Variants in TTC6 observed in about 807,000 individuals in gnomAD.
TTC6 encodes tetratricopeptide repeat protein 6.
Under a neutral mutation model 210.4 loss-of-function variants are expected in TTC6, and 172 were observed. That is an observed-to-expected ratio of 0.82 (90% CI 0.72 to 0.93). The LOEUF is 0.93. TTC6 is among the 40% of genes least tolerant of loss of function. TTC6 has a pLI of 0.00. For missense variants in TTC6, 2,414 were observed against 2,318.1 expected (o/e 1.04, Z -0.85); for synonymous variants, 804 against 819.6 (o/e 0.98, Z 0.32).
intron 14 of TTC6, among the ~76,000 whole-genome samples, chr14:37,783,771 G>A (rs969500039): frequency 6.6e-6 from 1 of 152,048 alleles, no homozygotes; most frequent in Non-Finnish European, 1.5e-5. Flanking sequence ...GGCATTTAGT[G>A]CTATAAATTT....
intron 10 of TTC6, among the ~76,000 whole-genome samples, chr14:37,746,214 G>A (rs984261250): frequency 6.6e-6 from 1 of 151,996 alleles, no homozygotes; most frequent in Non-Finnish European, 1.5e-5. Context: ...CTTGGCTCCC[G>A]TTCCCCCACT....
intron 14 of TTC6, among the ~76,000 whole-genome samples, chr14:37,755,876 C>G (rs560408352): frequency 2.4e-4 from 36 of 152,246 alleles, no homozygotes; most frequent in African/African-American, 8.2e-4. Flanking sequence ...ATAGTTGTTT[C>G]TAATTCTGTG....
At chr14:37,638,123 A>C (rs1185942924) in intron 1 of TTC6, among the ~76,000 whole-genome samples, 1 of 152,232 alleles carries the variant, frequency 6.6e-6, no homozygotes, top group East Asian at 1.9e-4. Context: ...ACTTAGGAAG[A>C]AAAGGAAATG....
At chr14:37,780,533 G>A (rs1178137967) in intron 14 of TTC6, among the ~76,000 whole-genome samples, 2 of 152,096 alleles carry the variant, frequency 1.3e-5, no homozygotes, top group South Asian at 2.1e-4. Context: ...AGTTTGCTGA[G>A]GATAATGGCT....
chr14:37,634,394 C>A (rs1447758214), intron 1 of TTC6, among the ~76,000 whole-genome samples: 1 of 152,032 alleles, frequency 6.6e-6, no homozygotes, highest in African/African-American at 2.4e-5. Flanking sequence ...AGAAAAGAAT[C>A]AGTGAACTTG....
chr14:37,705,248 A>T (rs1244278669), intron 5 of TTC6, among the ~76,000 whole-genome samples: 3 of 152,190 alleles, frequency 2.0e-5, no homozygotes, highest in Non-Finnish European at 4.4e-5. Context: ...TGGACAGATC[A>T]TTAGCTTTAT....
intron 1 of TTC6, among the ~76,000 whole-genome samples, chr14:37,666,367 C>T (rs1054845265): frequency 6.7e-6 from 1 of 148,568 alleles, no homozygotes; most frequent in Non-Finnish European, 1.5e-5. Context: ...AATCCCGGCA[C>T]TCTGGGTGGC....
At chr14:37,795,213 T>A (rs1490822739) in intron 17 of TTC6, 57 bp from the exon 20 acceptor site, 12 of 1,215,434 alleles carry the variant, frequency 9.9e-6, no homozygotes, top group Non-Finnish European at 1.4e-5. Context: ...AGGATAAATA[T>A]CAGAAAGGAA....
chr14:37,831,398 A>G (rs2096184782), intron 29 of TTC6, among the ~76,000 whole-genome samples: 1 of 152,042 alleles, frequency 6.6e-6, no homozygotes, highest in Non-Finnish European at 1.5e-5. Context: ...GAGTGCAAAT[A>G]TTTCTTCAAT....
intron 14 of TTC6, among the ~76,000 whole-genome samples, chr14:37,771,076 T>C (rs1332109095): frequency 3.4e-5 from 5 of 148,408 alleles, no homozygotes; most frequent in Non-Finnish European, 6.0e-5. Flanking sequence ...TTAGTTTGGC[T>C]GGATATGAAA....
chr14:37,636,249 A>T (rs1048678189), intron 1 of TTC6, among the ~76,000 whole-genome samples: 5 of 152,178 alleles, frequency 3.3e-5, no homozygotes, highest in Non-Finnish European at 7.3e-5. Flanking sequence ...AGAAGAACTC[A>T]AGGACCCTAT....
At chr14:37,726,828 A>G (rs920161601) in intron 7 of TTC6, among the ~76,000 whole-genome samples, 4 of 152,112 alleles carry the variant, frequency 2.6e-5, no homozygotes, top group African/African-American at 7.2e-5. Context: ...ACAGTAAGCT[A>G]TGTATTTAGT....
intron 14 of TTC6, among the ~76,000 whole-genome samples, chr14:37,763,515 T>A (rs778411731): frequency 6.6e-6 from 1 of 152,170 alleles, no homozygotes; most frequent in Non-Finnish European, 1.5e-5. Context: ...CTATTTCTTC[T>A]TGAGTTGGTT....
intron 1 of TTC6, among the ~76,000 whole-genome samples, chr14:37,673,923 A>T (rs542765892): frequency 6.6e-6 from 1 of 152,296 alleles, no homozygotes; most frequent in South Asian, 2.1e-4. Context: ...AGTTAAAAAA[A>T]TTTGTTTAAC....
intron 1 of TTC6, among the ~76,000 whole-genome samples, chr14:37,601,695 C>T (rs994004102): frequency 1.3e-5 from 2 of 152,198 alleles, no homozygotes; most frequent in Non-Finnish European, 1.5e-5. Context: ...CTTACCCTGT[C>T]ATCAATGCCT....
chr14:37,792,996 A>G (rs973044044), intron 17 of TTC6, among the ~76,000 whole-genome samples: 1 of 152,268 alleles, frequency 6.6e-6, no homozygotes, highest in South Asian at 2.1e-4. Context: ...ATCCTCTCCA[A>G]TTCCAGCCAG....
At chr14:37,662,369 T>C (rs1322732672) in intron 1 of TTC6, among the ~76,000 whole-genome samples, 2 of 152,228 alleles carry the variant, frequency 1.3e-5, no homozygotes, top group African/African-American at 2.4e-5. Flanking sequence ...GAAGATATGT[T>C]GACTTTTATT....
chr14:37,839,448 T>A (rs1270038724), intron 29 of TTC6, among the ~76,000 whole-genome samples: 2 of 152,254 alleles, frequency 1.3e-5, no homozygotes, highest in Non-Finnish European at 2.9e-5. Context: ...TGTCTTCTTT[T>A]GAGAAGTGTC....
intron 9 of TTC6, among the ~76,000 whole-genome samples, chr14:37,738,553 T>C (rs2095908312): frequency 6.6e-6 from 1 of 152,162 alleles, no homozygotes; most frequent in Non-Finnish European, 1.5e-5. Flanking sequence ...ATATATCTAA[T>C]GAAATGTCAT....
Sources: allele counts gnomAD v4.1 joint callset (sites outside exome capture counted in the v4.1 genomes callset), GRCh38; gene constraint gnomAD v4.1.1; transcripts MANE v1.5; gene names NCBI Gene and HGNC (gene_info 2026-07-23, HGNC 2026-07-21).